The following TM9SF2 variants were observed in gnomAD, a reference collection of about 807,000 sequenced individuals.
TM9SF2 encodes the protein 76 kDa membrane protein.
A neutral mutation model predicts 84.9 loss-of-function variants in TM9SF2; 13 were observed. The observed-to-expected ratio is 0.15, with a 90% confidence interval of 0.10 to 0.24. TM9SF2 has a LOEUF of 0.24. TM9SF2 is among the 10% of genes least tolerant of loss of function. TM9SF2 has a pLI of 1.00. For missense variants in TM9SF2, 562 were observed against 818.5 expected, an observed-to-expected ratio of 0.69 and a Z score of 3.82; for synonymous variants, 273 against 285.8, an observed-to-expected ratio of 0.96 and a Z score of 0.45.
At chr13:99,534,410 G>T (rs2046224649) in intron 4 of TM9SF2, among the ~76,000 whole-genome samples, 1 of 152,082 alleles carries the variant, frequency 6.6e-6, no homozygotes, top group South Asian at 2.1e-4. Context: ...CCAACTGTGG[G>T]CTACCCTCTT....
chr13:99,543,765 C>A (rs1252695925), intron 9 of TM9SF2, 98 bp from the exon 10 acceptor site: 4 of 1,455,302 alleles, frequency 2.7e-6, no homozygotes, highest in East Asian at 2.3e-5. Flanking sequence ...TTAAAAAAAA[C>A]CTGTTTTCTG....
chr13:99,512,016 A>G (rs192889988), intron 1 of TM9SF2, among the ~76,000 whole-genome samples: 28 of 152,240 alleles, frequency 1.8e-4, no homozygotes, highest in Admixed American at 1.6e-3. Flanking sequence ...TGGCCAGGAC[A>G]AGTATAATGG....
At position 99,562,880 on chromosome 13, in the gene TM9SF2, G is replaced by A. The variant is rs770995259; in HGVS notation, c.*122G>A. 1.9e-5 allele frequency: 17 copies of A among 883,130 alleles called. No individual in the cohort carries two copies. Among genetic ancestry groups the A allele is most frequent in the Admixed American group, 1.6e-4 (6 of 38,506 alleles). 54.7% of individuals were successfully genotyped at this position (883,130 alleles called of 1,614,324 possible). On this transcript the variant is annotated 3_prime_UTR_variant, in exon 17 of 17. Transcript: ENST00000376387. ...GGCCTAGTAATCCTTCAGAAACACC[G>A]TAATTCTAAATAAACCTCTTCCCAT...
intron 10 of TM9SF2, among the ~76,000 whole-genome samples, chr13:99,546,714 G>A (rs182964898): frequency 6.6e-6 from 1 of 152,182 alleles, no homozygotes; most frequent in African/African-American, 2.4e-5. Context: ...TGAGCATCCA[G>A]TCAGCCTCCC....
chr13:99,518,706 C>T (rs1055858768), intron 2 of TM9SF2, among the ~76,000 whole-genome samples: 1 of 151,918 alleles, frequency 6.6e-6, no homozygotes, highest in African/African-American at 2.4e-5. Context: ...AGGTGATCCT[C>T]TCATCTCAGC....
intron 4 of TM9SF2, among the ~76,000 whole-genome samples, chr13:99,532,563 G>A (rs1026916485): frequency 1.4e-4 from 21 of 152,152 alleles, no homozygotes; most frequent in African/African-American, 4.1e-4. Context: ...GGTGGCAGGC[G>A]CCTGTAATCC....
chr13:99,552,591 ACATT>A (rs34121466), intron 13 of TM9SF2, among the ~76,000 whole-genome samples: 4 of 151,028 alleles, frequency 2.6e-5, no homozygotes, highest in Non-Finnish European at 4.4e-5. Context: ...ACTAATGAAA[ACATT>A]CATTCATTCA....
chr13:99,526,041 C>A (rs1315404881), intron 3 of TM9SF2, among the ~76,000 whole-genome samples: 1 of 152,150 alleles, frequency 6.6e-6, no homozygotes, highest in Non-Finnish European at 1.5e-5. Context: ...TCCGTGGTAA[C>A]TGGAGGGAAG....
intron 3 of TM9SF2, among the ~76,000 whole-genome samples, chr13:99,523,245 A>G (rs927347722): frequency 3.3e-5 from 5 of 152,146 alleles, no homozygotes; most frequent in Non-Finnish European, 7.3e-5. Flanking sequence ...TTGAACTCCC[A>G]GGCTCAATAA....
In TM9SF2 at chr13:99,513,939, G is replaced by C. The variant is rs116404881; in HGVS notation, c.172-3675G>C. Among the ~76,000 whole-genome samples, 922 of 152,286 alleles carry C rather than the reference G, an allele frequency of 6.1e-3. 8 individuals carry two copies. Among genetic ancestry groups the C allele is most frequent in the African/African-American group, 0.02 (848 of 41,546 alleles). ...AGACATTACTCTCTGGCCCTTTACA[G>C]GAAAAGTTTGCCAGCCTCTTGGATA... On this transcript the variant is annotated intron_variant, in intron 1 of 16. Transcript: ENST00000376387.
intron 3 of TM9SF2, among the ~76,000 whole-genome samples, chr13:99,527,554 C>G (rs747110234): frequency 5.9e-5 from 9 of 152,178 alleles, no homozygotes; most frequent in Non-Finnish European, 1.0e-4. Flanking sequence ...TCCCCCAACA[C>G]GTGGGGATTA....
intron 16 of TM9SF2, among the ~76,000 whole-genome samples, chr13:99,560,786 A>G (rs962825657): frequency 1.2e-4 from 18 of 152,068 alleles, no homozygotes; most frequent in Admixed American, 1.2e-3. Flanking sequence ...GGTTCACGCC[A>G]TTCTCCTGCC....
intron 3 of TM9SF2, among the ~76,000 whole-genome samples, chr13:99,521,331 C>T (rs1331674668): frequency 6.6e-6 from 1 of 152,148 alleles, no homozygotes; most frequent in Non-Finnish European, 1.5e-5. Flanking sequence ...AACTCTCTAC[C>T]ATGGGCATCT....
chr13:99,562,664 G>A (rs749411454), intron 16 of TM9SF2, 27 bp from the exon 17 acceptor site: 3 of 1,601,232 alleles, frequency 1.9e-6, no homozygotes, highest in Non-Finnish European at 2.6e-6. Flanking sequence ...TTTGAAAAGG[G>A]GTTTATTTTT....
chr13:99,502,768 T>C (rs1230894603), intron 1 of TM9SF2, among the ~76,000 whole-genome samples: 2 of 152,222 alleles, frequency 1.3e-5, no homozygotes, highest in Non-Finnish European at 2.9e-5. Flanking sequence ...ATTCAAATAA[T>C]CGTTCAACAA....
At position 99,501,510 on chromosome 13, in the gene TM9SF2, T is replaced by C; in HGVS notation, c.-97T>C. On this transcript the variant is annotated 5_prime_UTR_variant, in exon 1 of 17. Coordinates refer to ENST00000376387, the MANE Select transcript of TM9SF2 (RefSeq NM_004800.3). ...CTAGCCTTCTGGGGGCCGGCTTCCT[T>C]TATCTCTGGCGGCCTTGTAGTCGTC... 1 of 1,465,162 alleles carries C rather than the reference T, an allele frequency of 6.8e-7. No homozygotes were observed. The highest frequency in any genetic ancestry group is 2.4e-5 in the East Asian group (1 of 41,984). 90.8% of individuals were successfully genotyped at this position (1,465,162 alleles called of 1,614,324 possible).
At chr13:99,508,443 A>ACACACC (rs1311954976) in intron 1 of TM9SF2, among the ~76,000 whole-genome samples, 131 of 147,552 alleles carry the variant, frequency 8.9e-4, no homozygotes, top group East Asian at 4.4e-3. Flanking sequence ...ACACACACAC[A>ACACACC]CCCCAGAGAT....
intron 4 of TM9SF2, among the ~76,000 whole-genome samples, chr13:99,533,727 C>T (rs1398782471): frequency 2.0e-5 from 3 of 152,148 alleles, no homozygotes; most frequent in Admixed American, 6.5e-5. Flanking sequence ...GGCACAGTCT[C>T]GACTCACTGC....
intron 16 of TM9SF2, among the ~76,000 whole-genome samples, chr13:99,560,316 G>A (rs1287758532): frequency 6.6e-6 from 1 of 152,180 alleles, no homozygotes; most frequent in South Asian, 2.1e-4. Flanking sequence ...TCATCTGTTA[G>A]CATTTCAGAG....
Sources: allele counts gnomAD v4.1 joint callset (sites outside exome capture counted in the v4.1 genomes callset), GRCh38; gene constraint gnomAD v4.1.1; transcripts MANE v1.5; gene names NCBI Gene and HGNC (gene_info 2026-07-23, HGNC 2026-07-21).